The following GALNT13 variants were observed in gnomAD, a reference collection of about 807,000 sequenced individuals.
GALNT13 encodes UDP-GalNAc:polypeptide N-acetylgalactosaminyltransferase 13.
GALNT13 carries 28 observed loss-of-function variants against 64.2 expected under a neutral mutation model. That is an observed-to-expected ratio of 0.44 (90% CI 0.32 to 0.60). GALNT13 has a LOEUF of 0.60. GALNT13 is among the 20% of genes least tolerant of loss of function. The pLI is 0.05. For missense variants in GALNT13, 577 were observed against 669.8 expected, an observed-to-expected ratio of 0.86 and a Z score of 1.53; for synonymous variants, 214 against 224.6, an observed-to-expected ratio of 0.95 and a Z score of 0.42.
chr2:153,203,748 GT>G, the GALNT13 span, among the ~76,000 whole-genome samples: 2 of 152,060 alleles, frequency 1.3e-5, no homozygotes, highest in African/African-American at 4.8e-5. Context: ...ACTTTAGACA[GT>G]TTTAGACCTT....
At chr2:154,113,805 A>T (rs1215541870) in intron 3 of GALNT13, among the ~76,000 whole-genome samples, 1 of 152,390 alleles carries the variant, frequency 6.6e-6, no homozygotes, top group Non-Finnish European at 1.5e-5. Context: ...CCCCTGAGGT[A>T]GGACAGTAAA....
the GALNT13 span, among the ~76,000 whole-genome samples, chr2:153,436,222 C>T: frequency 3.3e-5 from 5 of 152,130 alleles, no homozygotes; most frequent in African/African-American, 9.7e-5. Context: ...CTGCTGGATT[C>T]GTTTTGCCAG....
the GALNT13 span, among the ~76,000 whole-genome samples, chr2:153,192,299 G>A: frequency 6.6e-6 from 1 of 151,882 alleles, no homozygotes; most frequent in African/African-American, 2.4e-5. Context: ...TAACCCAGTG[G>A]TTGTTCGGGA....
At chr2:153,768,388 G>T in the GALNT13 span, among the ~76,000 whole-genome samples, 3 of 152,102 alleles carry the variant, frequency 2.0e-5, no homozygotes, top group African/African-American at 7.2e-5. Flanking sequence ...TGTCACTGGG[G>T]TGTTGAAGTC....
chr2:154,017,443 G>A (rs1697084264), intron 3 of GALNT13, among the ~76,000 whole-genome samples: 1 of 152,198 alleles, frequency 6.6e-6, no homozygotes, highest in South Asian at 2.1e-4. Context: ...ATATTAAAAT[G>A]TAAAATGAAG....
chr2:153,592,432 A>G, the GALNT13 span, among the ~76,000 whole-genome samples: 1 of 152,220 alleles, frequency 6.6e-6, no homozygotes, highest in Admixed American at 6.5e-5. Flanking sequence ...TATGAAATCA[A>G]TGAAATCAAC....
At chr2:154,252,430 T>C (rs536476329) in intron 7 of GALNT13, among the ~76,000 whole-genome samples, 3 of 151,676 alleles carry the variant, frequency 2.0e-5, no homozygotes, top group South Asian at 4.2e-4. Context: ...CATCTTGGCC[T>C]ACCGCAAGCT....
At chr2:153,569,519 T>TC in the GALNT13 span, among the ~76,000 whole-genome samples, 34 of 70,312 alleles carry the variant, frequency 4.8e-4, no homozygotes, top group African/African-American at 1.3e-3. Context: ...TTTTATTCTT[T>TC]TTTTTTTAAA....
At chr2:153,582,442 C>T in the GALNT13 span, among the ~76,000 whole-genome samples, 1 of 151,950 alleles carries the variant, frequency 6.6e-6, no homozygotes, top group Non-Finnish European at 1.5e-5. Context: ...TTGATTATAA[C>T]TTGGTAATGA....
At chr2:154,179,512 G>A (rs925551619) in intron 4 of GALNT13, among the ~76,000 whole-genome samples, 1 of 151,994 alleles carries the variant, frequency 6.6e-6, no homozygotes, top group African/African-American at 2.4e-5. Flanking sequence ...TGTTCTTAAC[G>A]TCAGGAAGTG....
chr2:153,402,853 C>A, the GALNT13 span, among the ~76,000 whole-genome samples: 1 of 152,192 alleles, frequency 6.6e-6, no homozygotes, highest in Non-Finnish European at 1.5e-5. Context: ...AAGTTTTCAA[C>A]TTCTTTGCCT....
rs187688677 is a variant in GALNT13 at position 153,947,106 on chromosome 2, T to G, written c.142+2467T>G. 3.3e-3 allele frequency among the ~76,000 whole-genome samples: 501 copies of G among 152,160 alleles called. 3 individuals carry two copies. The highest frequency in any genetic ancestry group is 8.5e-3 in the Admixed American group (130 of 15,256). On this transcript the variant is annotated intron_variant, in intron 3 of 12. Transcript: ENST00000392825. The stretch of plus-strand genomic sequence containing the variant: ...CCTTATATGTCTAAATTTTAAACAA[T>G]TCCTAAGGACCCAATATTAACATAC...
the GALNT13 span, among the ~76,000 whole-genome samples, chr2:153,528,942 A>G: frequency 6.6e-6 from 1 of 152,028 alleles, no homozygotes; most frequent in Non-Finnish European, 1.5e-5. Context: ...AGGGAAGTAT[A>G]TAGCTATAAA....
chr2:153,508,870 A>G, the GALNT13 span, among the ~76,000 whole-genome samples: 1 of 152,058 alleles, frequency 6.6e-6, no homozygotes. Flanking sequence ...CTTCCCCCCT[A>G]TAAATCTCCT....
At chr2:153,544,927 C>T in the GALNT13 span, among the ~76,000 whole-genome samples, 1 of 152,044 alleles carries the variant, frequency 6.6e-6, no homozygotes, top group Non-Finnish European at 1.5e-5. Context: ...TGAGGGATAT[C>T]CTCTTCCAAC....
chr2:153,773,143 A>C, the GALNT13 span, among the ~76,000 whole-genome samples: 1 of 152,242 alleles, frequency 6.6e-6, no homozygotes, highest in Admixed American at 6.5e-5. Context: ...ACCAGGTGGT[A>C]CTGCTATTTG....
At chr2:153,505,239 T>C in the GALNT13 span, among the ~76,000 whole-genome samples, 1 of 152,200 alleles carries the variant, frequency 6.6e-6, no homozygotes, top group South Asian at 2.1e-4. Flanking sequence ...TCATTTCTAA[T>C]TGAGCTTATT....
the GALNT13 span, among the ~76,000 whole-genome samples, chr2:153,862,048 T>C: frequency 9.6e-4 from 146 of 152,346 alleles, no homozygotes; most frequent in Non-Finnish European, 1.8e-3. Flanking sequence ...AACATATGTG[T>C]CACATGACAT....
At chr2:154,323,607 G>A (rs1343435802) in intron 9 of GALNT13, among the ~76,000 whole-genome samples, 3 of 152,020 alleles carry the variant, frequency 2.0e-5, no homozygotes, top group Non-Finnish European at 4.4e-5. Flanking sequence ...ACAACTTTAC[G>A]TGGTTAAAAT....
Sources: gnomAD v4.1 joint callset for allele counts (sites outside exome capture counted in the v4.1 genomes callset) on GRCh38, gnomAD v4.1.1 for gene constraint, MANE v1.5 for transcripts, NCBI Gene and HGNC (gene_info 2026-07-23, HGNC 2026-07-21) for gene names.